RALYL: variants seen among roughly 807,000 people sequenced by gnomAD.
The protein encoded by RALYL is RALY RNA binding protein like.
RALYL carries 29 observed loss-of-function variants against 35.1 expected under a neutral mutation model. The observed-to-expected ratio is 0.83, with a 90% CI of 0.61 to 1.13. The LOEUF (loss-of-function observed/expected upper bound fraction) is 1.13, where lower values mean the gene tolerates loss of function less well. Among genes scored for constraint, RALYL ranks in the 50% most tolerant of loss-of-function variants. The pLI, the probability that RALYL is intolerant of heterozygous loss-of-function variation, is 0.00. For synonymous variants in RALYL, 120 were observed against 127.6 expected (o/e 0.94, Z 0.40); for missense variants, 359 against 360.4 (o/e 1.00, Z 0.03).
intron 2 of RALYL, among the ~76,000 whole-genome samples, chr8:84,751,238 C>T (rs1349361824): frequency 1.3e-5 from 2 of 151,994 alleles, no homozygotes; most frequent in Non-Finnish European, 2.9e-5. Flanking sequence ...GACTGAGTCT[C>T]ATTCTATCAC....
intron 4 of RALYL, among the ~76,000 whole-genome samples, chr8:84,844,738 G>C (rs1242791471): frequency 6.6e-6 from 1 of 152,218 alleles, no homozygotes; most frequent in South Asian, 2.1e-4. Context: ...AACAATGATA[G>C]AGTGGATTAA....
At chr8:84,823,120 T>G (rs548100064) in intron 4 of RALYL, among the ~76,000 whole-genome samples, 1 of 152,240 alleles carries the variant, frequency 6.6e-6, no homozygotes, top group African/African-American at 2.4e-5. Flanking sequence ...CGTTATAGCA[T>G]GTTATATGAT....
At chr8:84,288,818 A>T (rs1563674330) in intron 1 of RALYL, among the ~76,000 whole-genome samples, 5 of 152,166 alleles carry the variant, frequency 3.3e-5, no homozygotes, top group Admixed American at 2.0e-4. Context: ...TAGATATTTA[A>T]AAATTCTTTT....
intron 5 of RALYL, among the ~76,000 whole-genome samples, chr8:84,861,015 T>TG (rs1365221312): frequency 1.3e-5 from 2 of 152,190 alleles, no homozygotes; most frequent in African/African-American, 4.8e-5. Context: ...CATTTTCATC[T>TG]GTATGTATAA....
intron 1 of RALYL, among the ~76,000 whole-genome samples, chr8:84,285,708 G>T (rs1837464420): frequency 6.6e-6 from 1 of 152,232 alleles, no homozygotes; most frequent in Non-Finnish European, 1.5e-5. Flanking sequence ...TGGGGTAAAA[G>T]CATGCCTAAC....
At chr8:84,525,189 C>T (rs1160332222) in intron 1 of RALYL, among the ~76,000 whole-genome samples, 2 of 151,834 alleles carry the variant, frequency 1.3e-5, no homozygotes, top group African/African-American at 4.8e-5. Context: ...ACAACAGCAA[C>T]AGTAGTTTAC....
intron 1 of RALYL, among the ~76,000 whole-genome samples, chr8:84,257,943 T>C (rs1416952554): frequency 6.6e-6 from 1 of 152,164 alleles, no homozygotes; most frequent in Non-Finnish European, 1.5e-5. Flanking sequence ...GCAAGTTGGA[T>C]AGTAACAGGA....
chr8:84,654,446 A>G (rs1829559850), intron 2 of RALYL, among the ~76,000 whole-genome samples: 1 of 151,266 alleles, frequency 6.6e-6, no homozygotes, highest in Admixed American at 6.6e-5. Flanking sequence ...AAACAATCCA[A>G]TTATTCTGTT....
intron 2 of RALYL, among the ~76,000 whole-genome samples, chr8:84,548,620 A>G (rs2060514939): frequency 6.6e-6 from 1 of 152,174 alleles, no homozygotes; most frequent in South Asian, 2.1e-4. Context: ...TCACTTTTCA[A>G]TGTTTTCAGA....
chr8:84,762,261 TTTGTG>T (rs1332058240), intron 2 of RALYL, among the ~76,000 whole-genome samples: 1 of 152,186 alleles, frequency 6.6e-6, no homozygotes, highest in Non-Finnish European at 1.5e-5. Flanking sequence ...CATTGGATGT[TTTGTG>T]TTCTTACTTT....
At chr8:84,443,308 T>C (rs711005) in intron 1 of RALYL, among the ~76,000 whole-genome samples, 76,355 of 151,976 alleles carry the variant, frequency 0.5, 19,696 homozygotes, top group African/African-American at 0.62. Flanking sequence ...CTGTAACTGT[T>C]TGGATTAGGG....
chr8:84,482,402 G>A (rs1237847007), intron 1 of RALYL, among the ~76,000 whole-genome samples: 51 of 152,164 alleles, frequency 3.4e-4, no homozygotes, highest in African/African-American at 4.8e-5. Context: ...ATATTTTTGT[G>A]TGTTCATTTA....
chr8:84,650,413 A>T (rs578063124), intron 2 of RALYL, among the ~76,000 whole-genome samples: 1 of 152,316 alleles, frequency 6.6e-6, no homozygotes, highest in South Asian at 2.1e-4. Context: ...TAGGCGAAAG[A>T]CGTGAAAAGA....
At chr8:84,602,192 C>T (rs920515715) in intron 2 of RALYL, among the ~76,000 whole-genome samples, 1 of 152,126 alleles carries the variant, frequency 6.6e-6, no homozygotes, top group African/African-American at 2.4e-5. Flanking sequence ...CAGACTGAAA[C>T]ATATCCAATA....
At chr8:84,410,041 T>A (rs1433059406) in intron 1 of RALYL, among the ~76,000 whole-genome samples, 3 of 151,958 alleles carry the variant, frequency 2.0e-5, no homozygotes, top group Admixed American at 6.6e-5. Flanking sequence ...AAACACAACT[T>A]CTATGGTATT....
rs537826048 is a variant in RALYL, at chr8:84,539,100, G to A, written c.256+9523G>A. On this transcript the variant is annotated intron_variant, in intron 2 of 8. Transcript: ENST00000521268. The stretch of plus-strand genomic sequence containing the variant: ...AATGTTTGTGAAAGTTGGTGGTTTC[G>A]AGTTAGGCTCAGGACTCACGATTCC... 3.0e-4 allele frequency among the ~76,000 whole-genome samples: 46 copies of A among 152,234 alleles called. 1 individual carries two copies. In the South Asian group the frequency reaches 7.0e-3, roughly 23 times the overall value.
chr8:84,621,666 A>G (rs572559128), intron 2 of RALYL, among the ~76,000 whole-genome samples: 92 of 152,294 alleles, frequency 6.0e-4, no homozygotes, highest in Non-Finnish European at 1.0e-3. Context: ...CATAAAAACA[A>G]TTTCTCTGCT....
chr8:84,663,250 T>A (rs943327107), intron 2 of RALYL, among the ~76,000 whole-genome samples: 1 of 152,152 alleles, frequency 6.6e-6, no homozygotes, highest in Non-Finnish European at 1.5e-5. Context: ...GCATTTTGGT[T>A]GATTCCATGA....
intron 2 of RALYL, among the ~76,000 whole-genome samples, chr8:84,708,799 T>G (rs988267829): frequency 9.8e-5 from 15 of 152,286 alleles, no homozygotes; most frequent in African/African-American, 3.4e-4. Context: ...TTTTGGAGTT[T>G]TATAAAAGAC....
Sources: allele counts gnomAD v4.1 joint callset (sites outside exome capture counted in the v4.1 genomes callset), GRCh38; gene constraint gnomAD v4.1.1; transcripts MANE v1.5; gene names NCBI Gene and HGNC (gene_info 2026-07-23, HGNC 2026-07-21).